The following WLS variants were observed in gnomAD, a reference collection of about 807,000 sequenced individuals.
WLS encodes protein wntless homolog.
Under a neutral mutation model 62.8 loss-of-function variants are expected in WLS, and 23 were observed. The ratio of observed to expected loss-of-function variants is 0.37; its 90% CI spans 0.26 to 0.52. The LOEUF (loss-of-function observed/expected upper bound fraction) is 0.52. Among genes scored for constraint, WLS ranks in the 20% least tolerant of loss-of-function variants. The pLI is 0.92. For missense variants in WLS, 615 were observed against 697.3 expected, an observed-to-expected ratio of 0.88 and a Z score of 1.33; for synonymous variants, 246 against 244.1, an observed-to-expected ratio of 1.01 and a Z score of -0.07.
intron 3 of WLS, among the ~76,000 whole-genome samples, chr1:68,155,531 A>C (rs113892082): frequency 5.9e-5 from 9 of 152,332 alleles, no homozygotes; most frequent in African/African-American, 2.2e-4. Context: ...CCTTCCTTCT[A>C]TCTCCTAACA....
Position 68,232,231 on chromosome 1 carries a change from C to G in WLS, c.69G>C (p.Val23=), listed in dbSNP as rs541398700. ...KLCIVGGILL[V]FQIIAFLVGG... ...CCACCAGAAAGGCGATGATTTGGAA[C>G]ACGAGCAGAATCCCACCAACAATGC... Residue 23 remains valine, a synonymous_variant, in exon 1 of 12, where the codon GTG becomes GTC. Coordinates refer to ENST00000262348, the MANE Select transcript of WLS (RefSeq NM_024911.7). 31 of 1,614,196 alleles carry G rather than the reference C, an allele frequency of 1.9e-5. No homozygotes were observed. The East Asian group carries it at 5.6e-4, about 29-fold the overall frequency.
At chr1:68,112,731 T>G (rs1646244384) in intron 11 of WLS, among the ~76,000 whole-genome samples, 1 of 152,240 alleles carries the variant, frequency 6.6e-6, no homozygotes, top group Non-Finnish European at 1.5e-5. Flanking sequence ...GCACGGTTCA[T>G]GTATTGGGAA....
At chr1:68,118,207 C>G (rs890001270) in intron 11 of WLS, among the ~76,000 whole-genome samples, 4 of 152,216 alleles carry the variant, frequency 2.6e-5, no homozygotes, top group Non-Finnish European at 5.9e-5. Context: ...TATACTAAAT[C>G]AGACTCTCAA....
chr1:68,150,311 T>A lies in WLS; in HGVS notation c.849A>T (p.Pro283=). ...CAAACCCGATGGAAAACCATTCCACTGGGATATTGATAAAGGTCATGGAAA... is the reference window on the plus strand; with the variant it reads ...CAAACCCGATGGAAAACCATTCCACAGGGATATTGATAAAGGTCATGGAAA... ...LGISMTFINI[P]VEWFSIGFDW... Residue 283 remains proline, a synonymous_variant, in exon 6 of 12, where the codon CCA becomes CCT. Coordinates refer to ENST00000262348, the MANE Select transcript of WLS (RefSeq NM_024911.7). The A allele has an allele frequency of 6.2e-7, 1 of 1,614,216 alleles. No individual in the cohort carries two copies. The highest frequency in any genetic ancestry group is 8.5e-7 in the Non-Finnish European group (1 of 1,180,036).
Position 68,126,082 on chromosome 1 carries a change from A to G in WLS, c.*144T>C, listed in dbSNP as rs1646425764. 19 of 1,446,274 alleles carry G rather than the reference A, an allele frequency of 1.3e-5. No individual in the cohort carries two copies. The highest frequency in any genetic ancestry group is 1.6e-5 in the Non-Finnish European group (18 of 1,095,826). The allele number at this position is 1,446,274 out of a possible 1,614,324, so 89.6% of individuals were successfully genotyped here. A position where few individuals can be genotyped will look rare whatever the true frequency, so the allele number is the denominator to read the frequency against. ...GCTACCGTCAGAAGGCAAACTGACAAATGTCCATGCCGCTGGTCCAAGAAA... is the reference window on the plus strand; with the variant it reads ...GCTACCGTCAGAAGGCAAACTGACAGATGTCCATGCCGCTGGTCCAAGAAA... On this transcript the variant is annotated 3_prime_UTR_variant, in exon 12 of 12. Coordinates refer to ENST00000262348, the MANE Select transcript of WLS (RefSeq NM_024911.7).
At chr1:68,098,920 T>C (rs1646042481) in intron 11 of WLS, 3 of 1,061,970 alleles carry the variant, frequency 2.8e-6, no homozygotes. Context: ...TTGTGGGACA[T>C]TTGCAGATTT....
At chr1:68,158,785 C>G (rs1044811078) in intron 3 of WLS, among the ~76,000 whole-genome samples, 2 of 152,092 alleles carry the variant, frequency 1.3e-5, no homozygotes, top group African/African-American at 4.8e-5. Context: ...GAAGCTCAGA[C>G]AGATTATGTA....
chr1:68,124,448 T>C (rs1646400088), downstream of WLS, among the ~76,000 whole-genome samples: 1 of 152,224 alleles, frequency 6.6e-6, no homozygotes, highest in African/African-American at 2.4e-5. Context: ...TCTATGATTT[T>C]TGTACTGCTG....
chr1:68,115,480 A>G (rs952529718), intron 11 of WLS, among the ~76,000 whole-genome samples: 1 of 152,180 alleles, frequency 6.6e-6, no homozygotes, highest in Non-Finnish European at 1.5e-5. Context: ...GGGTGGTGAT[A>G]ATGAAGTCAG....
chr1:68,126,022 A>C lies in WLS; in HGVS notation c.*204T>G. 3 of 1,411,854 alleles carry C rather than the reference A, an allele frequency of 2.1e-6. No homozygotes were observed. The highest frequency in any genetic ancestry group is 2.8e-6 in the Non-Finnish European group (3 of 1,079,776). 87.5% of individuals were successfully genotyped at this position (1,411,854 alleles called of 1,614,324 possible). ...TACCAGAGTTTTTGTTATCATACAC[A>C]ATGCATTAGTGGCTGCAGGAATCTT... is the stretch of plus-strand genomic sequence containing the variant. On this transcript the variant is annotated 3_prime_UTR_variant, in exon 12 of 12. Transcript: ENST00000262348.
chr1:68,231,870 G>GTC (rs1553139408), intron 1 of WLS: 1 of 232,590 alleles, frequency 4.3e-6, no homozygotes, highest in African/African-American at 4.1e-5. Context: ...GGGGGGGGGG[G>GTC]GGCGAGCAAT....
Position 68,137,006 on chromosome 1 carries a change from G to C in WLS, c.1516+774C>G, listed in dbSNP as rs540289501. ...AAAAAGAGACAGAATGAGGAATAAG[G>C]CTGAACCAAACAGAAAAAGCATCTA... On this transcript the variant is annotated intron_variant, in intron 11 of 11. Transcript: ENST00000262348. Among the ~76,000 whole-genome samples, 101 of 152,308 alleles carry C rather than the reference G, an allele frequency of 6.6e-4. 1 individual carries two copies. The highest frequency in any genetic ancestry group is 1.6e-3 in the Admixed American group (25 of 15,288).
chr1:68,149,815 C>T (rs145133080), intron 6 of WLS, among the ~76,000 whole-genome samples: 336 of 152,288 alleles, frequency 2.2e-3, no homozygotes, highest in African/African-American at 7.6e-3. Flanking sequence ...CAGAAGCCAG[C>T]AGACAAGAAA....
At chr1:68,162,831 G>A in intron 2 of WLS, 9 of 1,305,712 alleles carry the variant, frequency 6.9e-6, no homozygotes, top group South Asian at 1.2e-5. Context: ...CCTCCCTGGT[G>A]AGGATGATGG....
chr1:68,226,331 G>T (rs569491360), intron 1 of WLS, among the ~76,000 whole-genome samples: 2 of 152,060 alleles, frequency 1.3e-5, no homozygotes, highest in African/African-American at 2.4e-5. Flanking sequence ...ATCTTGTGCA[G>T]TTTTACTAGA....
chr1:68,124,454 T>C (rs1377783847), downstream of WLS, among the ~76,000 whole-genome samples: 1 of 152,234 alleles, frequency 6.6e-6, no homozygotes, highest in African/African-American at 2.4e-5. Flanking sequence ...ATTTTTGTAC[T>C]GCTGATCCCT....
At position 68,177,223 on chromosome 1, in the gene WLS, G is replaced by A. The variant is rs140300158; in HGVS notation, c.379+16732C>T. On this transcript the variant is annotated intron_variant, in intron 2 of 11. Transcript: ENST00000262348. ...TCAGCATGCATTTTGGTACTCATGGGGCATACCCTCATCGGGATTCATAAA... is the reference window on the plus strand; with the variant it reads ...TCAGCATGCATTTTGGTACTCATGGAGCATACCCTCATCGGGATTCATAAA... Among the ~76,000 whole-genome samples the A allele has an allele frequency of 2.9e-3, 440 of 152,222 alleles. 8 individuals are homozygous for A. Among genetic ancestry groups the A allele is most frequent in the African/African-American group, 9.8e-3 (406 of 41,534 alleles).
At chr1:68,192,316 A>G (rs1419086416) in intron 2 of WLS, among the ~76,000 whole-genome samples, 1 of 152,190 alleles carries the variant, frequency 6.6e-6, no homozygotes, top group Non-Finnish European at 1.5e-5. Context: ...TGAAAATCAT[A>G]TTTAGAAATA....
chr1:68,161,997 T>G, intron 2 of WLS: 1 of 1,602,146 alleles, frequency 6.2e-7, no homozygotes, highest in Non-Finnish European at 8.5e-7. Context: ...ACCAAGGCGC[T>G]GATGTGACAG....
Sources: allele counts gnomAD v4.1 joint callset (sites outside exome capture counted in the v4.1 genomes callset), GRCh38; gene constraint gnomAD v4.1.1; transcripts MANE v1.5; gene names NCBI Gene and HGNC (gene_info 2026-07-23, HGNC 2026-07-21).